Variants in R3HDM2 observed in about 807,000 individuals in gnomAD.
R3HDM2 encodes the protein R3H domain-containing protein 2.
A neutral mutation model predicts 124.5 loss-of-function variants in R3HDM2; 38 were observed. That is an observed-to-expected ratio of 0.31 (90% CI 0.24 to 0.40). The LOEUF (loss-of-function observed/expected upper bound fraction) is 0.40. R3HDM2 is among the 10% of genes least tolerant of loss of function. The pLI, the probability that R3HDM2 is intolerant of heterozygous loss-of-function variation, is 1.00. For synonymous variants in R3HDM2, 391 were observed against 448.0 expected (o/e 0.87, Z 1.61); for missense variants, 869 against 1,236.9 (o/e 0.70, Z 4.46).
intron 2 of R3HDM2, among the ~76,000 whole-genome samples, chr12:57,356,951 C>G (rs1228905905): frequency 6.6e-6 from 1 of 151,466 alleles, no homozygotes; most frequent in East Asian, 1.9e-4. Flanking sequence ...ACTAAAAACA[C>G]AAAAATTAGA....
intron 1 of R3HDM2, chr12:57,430,512 C>G: frequency 6.1e-6 from 6 of 984,774 alleles, no homozygotes; most frequent in Non-Finnish European, 7.2e-6. Context: ...CGCCCTCCGC[C>G]CCGCGCCCCC....
intron 2 of R3HDM2, among the ~76,000 whole-genome samples, chr12:57,354,300 C>T (rs888605816): frequency 8.6e-5 from 13 of 150,710 alleles, no homozygotes; most frequent in African/African-American, 3.2e-4. Flanking sequence ...GGTTTTTTTT[C>T]TTGTTGTTTT....
chr12:57,308,134 A>G (rs1048136216), intron 3 of R3HDM2, among the ~76,000 whole-genome samples: 1 of 148,364 alleles, frequency 6.7e-6, no homozygotes, highest in African/African-American at 2.5e-5. Flanking sequence ...GGCTCACTGC[A>G]ACCTCTGCCT....
chr12:57,352,720 C>T (rs914748181), intron 2 of R3HDM2, among the ~76,000 whole-genome samples: 2 of 151,992 alleles, frequency 1.3e-5, no homozygotes, highest in Non-Finnish European at 2.9e-5. Flanking sequence ...TCTCAAACTC[C>T]TAACCTCAAA....
chr12:57,375,252 G>A lies in R3HDM2; in HGVS notation c.-36+20497C>T, dbSNP rs199787696. Among the ~76,000 whole-genome samples the A allele has an allele frequency of 2.0e-5, 3 of 151,982 alleles. No homozygotes were observed. In the East Asian group the frequency reaches 5.8e-4, roughly 29 times the overall value. On this transcript the variant is annotated intron_variant, in intron 2 of 23. Coordinates refer to ENST00000402412, the MANE Select transcript of R3HDM2 (RefSeq NM_001394031.1). ...TAATTTCAGACAACTGGAAATTTTA[G>A]GACAATATAAGACAATTTTTATGTC... is the stretch of plus-strand genomic sequence containing the variant.
At chr12:57,283,333 G>A (rs536630372) in intron 13 of R3HDM2, among the ~76,000 whole-genome samples, 2 of 151,886 alleles carry the variant, frequency 1.3e-5, no homozygotes, top group African/African-American at 4.8e-5. Context: ...AGGTTTGAAA[G>A]AAAATGAGGA....
intron 18 of R3HDM2, 179 bp from the exon 19 acceptor site, chr12:57,267,010 T>C (rs1367209744): frequency 3.9e-6 from 2 of 516,768 alleles, no homozygotes; most frequent in Non-Finnish European, 3.5e-6. Flanking sequence ...TAATTATATG[T>C]ATTTGTACTT....
At chr12:57,358,519 C>T (rs1333824037) in intron 2 of R3HDM2, among the ~76,000 whole-genome samples, 7 of 151,820 alleles carry the variant, frequency 4.6e-5, no homozygotes, top group African/African-American at 1.5e-4. Context: ...TGGTACTGTG[C>T]ACCTGTACCA....
At position 57,255,087 on chromosome 12, in the gene R3HDM2, C is replaced by G; in HGVS notation, c.2659G>C (p.Asp887His). 6.2e-7 allele frequency: 1 copy of G among 1,600,832 alleles called. No individual in the cohort carries two copies. The highest frequency in any genetic ancestry group is 8.5e-7 in the Non-Finnish European group (1 of 1,172,382). The part of the protein sequence containing the change: ...VVLGRVLEVT[D>H]LPEGITRTEA... The stretch of plus-strand genomic sequence containing the variant: ...GTACGGGTGATGCCCTCAGGGAGAT[C>G]TGTCACCTCCAGCACCCGCCCCAGG... The change falls in exon 24 of 24, where the codon GAT (aspartate) becomes CAT (histidine). Residue 887 changes from aspartate (D) to histidine (H), a missense_variant. Around this residue, in one of 2 missense-constraint regions of R3HDM2, gnomAD observed 602 missense variants for 789.2 expected, o/e 0.76. Transcript: ENST00000402412.
intron 1 of R3HDM2, among the ~76,000 whole-genome samples, chr12:57,416,710 A>G (rs987300931): frequency 2.6e-5 from 4 of 152,102 alleles, no homozygotes; most frequent in African/African-American, 9.7e-5. Flanking sequence ...CGAGAGGATG[A>G]GGCAGGAAAA....
At position 57,260,263 on chromosome 12, in the gene R3HDM2, C is replaced by CAAAAAAAAAAAAA. The variant is rs566868060; in HGVS notation, c.2132-1217_2132-1205dup. ...TGGGTGACAGAATGAGACCCTGCCT[C>CAAAAAAAAAAAAA]AAAAAAAAAAAAAAAAAAAAAAGCC... On this transcript the variant is annotated intron_variant, in intron 19 of 23. Coordinates refer to ENST00000402412, the MANE Select transcript of R3HDM2 (RefSeq NM_001394031.1). Among the ~76,000 whole-genome samples, 77 of 31,558 alleles carry CAAAAAAAAAAAAA rather than the reference C, an allele frequency of 2.4e-3. 4 individuals are homozygous for CAAAAAAAAAAAAA. The highest frequency in any genetic ancestry group is 2.7e-3 in the African/African-American group (22 of 8,120). The allele number at this position is 31,558 out of a possible 152,430, so 20.7% of individuals were successfully genotyped here. A position where few individuals can be genotyped will look rare whatever the true frequency, so the allele number is the denominator to read the frequency against.
At chr12:57,264,935 T>A (rs1451292793) in intron 19 of R3HDM2, among the ~76,000 whole-genome samples, 1 of 152,064 alleles carries the variant, frequency 6.6e-6, no homozygotes, top group Admixed American at 6.6e-5. Flanking sequence ...CTGCACACAG[T>A]CCCCTAAAGT....
intron 1 of R3HDM2, among the ~76,000 whole-genome samples, chr12:57,400,464 A>G (rs1449319932): frequency 6.6e-6 from 1 of 152,158 alleles, no homozygotes; most frequent in Non-Finnish European, 1.5e-5. Context: ...GGATAGCATT[A>G]GGAGATATAC....
chr12:57,300,933 C>T (rs1329541909), intron 4 of R3HDM2, among the ~76,000 whole-genome samples: 1 of 151,748 alleles, frequency 6.6e-6, no homozygotes, highest in Non-Finnish European at 1.5e-5. Flanking sequence ...GACCCTATCT[C>T]TGCAAAAAAA....
At chr12:57,346,225 A>G (rs532683815) in intron 2 of R3HDM2, among the ~76,000 whole-genome samples, 2 of 151,748 alleles carry the variant, frequency 1.3e-5, no homozygotes, top group South Asian at 4.2e-4. Context: ...GGGAGGCCGA[A>G]GCGAGTGGAT....
At chr12:57,407,904 T>C (rs551376856) in intron 1 of R3HDM2, among the ~76,000 whole-genome samples, 7 of 151,980 alleles carry the variant, frequency 4.6e-5, no homozygotes, top group Non-Finnish European at 8.8e-5. Flanking sequence ...AGCTGGGGAC[T>C]ACAGGTGCGT....
rs370107076 is a variant in R3HDM2, at chr12:57,265,160, T to TA, written c.2131+1570dup. On this transcript the variant is annotated intron_variant, in intron 19 of 23. Coordinates refer to ENST00000402412, the MANE Select transcript of R3HDM2 (RefSeq NM_001394031.1). Reference sequence around the variant, plus strand: ...TTCCACTGGAGAGAAAGAAATTGAGTAAAAAAAAGTGTTGAAAATGTGTTG... The same window carrying TA: ...TTCCACTGGAGAGAAAGAAATTGAGTAAAAAAAAAGTGTTGAAAATGTGTTG... Among the ~76,000 whole-genome samples the TA allele has an allele frequency of 5.3e-5, 8 of 151,772 alleles. No homozygotes were observed. The East Asian group carries it at 1.2e-3, about 22-fold the overall frequency.
intron 12 of R3HDM2, among the ~76,000 whole-genome samples, chr12:57,285,596 G>A (rs1391429752): frequency 6.6e-6 from 1 of 152,136 alleles, no homozygotes; most frequent in Non-Finnish European, 1.5e-5. Context: ...GTATAAGTTA[G>A]GTACTCTCCA....
chr12:57,366,819 A>G (rs186054672), intron 2 of R3HDM2, among the ~76,000 whole-genome samples: 2 of 152,196 alleles, frequency 1.3e-5, no homozygotes, highest in Non-Finnish European at 2.9e-5. Context: ...CCTCCTGAGT[A>G]GCTGGGACTA....
Sources: gnomAD v4.1 joint callset for allele counts (sites outside exome capture counted in the v4.1 genomes callset) on GRCh38, gnomAD v4.1.1 for gene constraint, gnomAD v4.1.1 regional missense constraint, MANE v1.5 for transcripts, NCBI Gene and HGNC (gene_info 2026-07-23, HGNC 2026-07-21) for gene names.